The following SCHIP1 variants were observed in gnomAD, a reference collection of about 807,000 sequenced individuals.
SCHIP1 encodes the protein schwannomin-interacting protein 1.
In SCHIP1, 8 loss-of-function variants were observed where a neutral mutation model predicts 29.7. The ratio of observed to expected loss-of-function variants is 0.27; its 90% CI spans 0.16 to 0.49. The LOEUF (loss-of-function observed/expected upper bound fraction) is 0.49. Ranked by LOEUF, SCHIP1 falls within the 20% of genes least tolerant of loss-of-function variation. SCHIP1 has a pLI of 0.99. For missense variants in SCHIP1, 193 were observed against 294.6 expected, an observed-to-expected ratio of 0.66 and a Z score of 2.52; for synonymous variants, 76 against 94.9, an observed-to-expected ratio of 0.80 and a Z score of 1.16.
chr3:159,599,268 T>C, the SCHIP1 span, among the ~76,000 whole-genome samples: 3 of 152,220 alleles, frequency 2.0e-5, no homozygotes. Context: ...CTTTAAACTT[T>C]TATTTCAATA....
the SCHIP1 span, among the ~76,000 whole-genome samples, chr3:159,752,319 T>G: frequency 6.6e-6 from 1 of 152,210 alleles, no homozygotes; most frequent in Non-Finnish European, 1.5e-5. Flanking sequence ...ATAGTTAACA[T>G]CTGTTAACAT....
the SCHIP1 span, among the ~76,000 whole-genome samples, chr3:159,296,079 C>CGA: frequency 6.6e-6 from 1 of 151,110 alleles, no homozygotes; most frequent in East Asian, 2.0e-4. Flanking sequence ...ATGTCATTCC[C>CGA]GAGAGAGGAG....
the SCHIP1 span, among the ~76,000 whole-genome samples, chr3:159,428,713 T>G: frequency 6.6e-6 from 1 of 151,772 alleles, no homozygotes; most frequent in Non-Finnish European, 1.5e-5. Flanking sequence ...CCCAAAGGAC[T>G]ATAAATCATG....
the SCHIP1 span, among the ~76,000 whole-genome samples, chr3:159,406,834 A>G: frequency 6.6e-6 from 1 of 152,186 alleles, no homozygotes; most frequent in Non-Finnish European, 1.5e-5. Context: ...AGTTTAAAAT[A>G]TTGGGTTATA....
chr3:159,326,159 A>C, the SCHIP1 span, among the ~76,000 whole-genome samples: 1 of 152,132 alleles, frequency 6.6e-6, no homozygotes, highest in Non-Finnish European at 1.5e-5. Context: ...ATTAGGATTA[A>C]ATTAAAATCC....
At chr3:159,625,391 C>G in the SCHIP1 span, among the ~76,000 whole-genome samples, 5 of 152,054 alleles carry the variant, frequency 3.3e-5, no homozygotes, top group African/African-American at 1.2e-4. Context: ...TGAGAGTCAC[C>G]CTTATTAACC....
At chr3:159,687,779 T>A in the SCHIP1 span, among the ~76,000 whole-genome samples, 1 of 152,284 alleles carries the variant, frequency 6.6e-6, no homozygotes, top group Admixed American at 6.5e-5. Context: ...AGCCCCAGTG[T>A]GTGATGTTCC....
chr3:159,884,337 G>A (rs1560096069), intron 2 of SCHIP1, among the ~76,000 whole-genome samples: 1 of 142,154 alleles, frequency 7.0e-6, no homozygotes, highest in East Asian at 2.1e-4. Flanking sequence ...AAATATATAT[G>A]TGTGTCTGTG....
the SCHIP1 span, among the ~76,000 whole-genome samples, chr3:159,321,040 C>T: frequency 6.6e-6 from 1 of 152,184 alleles, no homozygotes; most frequent in South Asian, 2.1e-4. Context: ...TCTCAGCTCA[C>T]TGCAACCTCG....
chr3:159,430,841 G>A, the SCHIP1 span, among the ~76,000 whole-genome samples: 22 of 152,130 alleles, frequency 1.4e-4, no homozygotes, highest in Middle Eastern at 3.4e-3. Flanking sequence ...CCACATGCCC[G>A]TCCCCCATGA....
At chr3:159,404,328 C>G in the SCHIP1 span, among the ~76,000 whole-genome samples, 3 of 152,234 alleles carry the variant, frequency 2.0e-5, no homozygotes, top group East Asian at 5.8e-4. Flanking sequence ...ACCAAGTGGA[C>G]TCTTGGGATG....
At chr3:159,779,900 AT>A in the SCHIP1 span, among the ~76,000 whole-genome samples, 1 of 152,144 alleles carries the variant, frequency 6.6e-6, no homozygotes, top group Non-Finnish European at 1.5e-5. Flanking sequence ...CTTGAAGTTC[AT>A]TACATGCTGT....
chr3:159,472,506 G>C, the SCHIP1 span, among the ~76,000 whole-genome samples: 2 of 152,076 alleles, frequency 1.3e-5, no homozygotes, highest in South Asian at 4.2e-4. Context: ...TGCCTGAGTC[G>C]GCTGTGCTCC....
intron 1 of SCHIP1, among the ~76,000 whole-genome samples, chr3:159,856,112 A>C (rs1713330093): frequency 6.6e-6 from 1 of 152,192 alleles, no homozygotes; most frequent in African/African-American, 2.4e-5. Context: ...GCTGTGAGCA[A>C]GTTCTGATCC....
the SCHIP1 span, among the ~76,000 whole-genome samples, chr3:159,720,617 C>G: frequency 6.6e-6 from 1 of 151,762 alleles, no homozygotes; most frequent in African/African-American, 2.4e-5. Flanking sequence ...CAGAGTGTTA[C>G]TCTGCCACCC....
At chr3:159,635,522 C>T in the SCHIP1 span, among the ~76,000 whole-genome samples, 1 of 152,290 alleles carries the variant, frequency 6.6e-6, no homozygotes, top group South Asian at 2.1e-4. Context: ...ATAGCTTCTT[C>T]TTCCTTCTGG....
At chr3:159,275,218 G>C in the SCHIP1 span, 1 of 355,820 alleles carries the variant, frequency 2.8e-6, no homozygotes, top group Non-Finnish European at 3.9e-6. Flanking sequence ...ATGAAAGGTA[G>C]ATTTATGATT....
chr3:159,734,288 A>G, the SCHIP1 span, among the ~76,000 whole-genome samples: 1 of 151,634 alleles, frequency 6.6e-6, no homozygotes, highest in African/African-American at 2.4e-5. Context: ...GATGACAGAC[A>G]CGTGCCACCA....
the SCHIP1 span, among the ~76,000 whole-genome samples, chr3:159,436,289 G>C: frequency 6.6e-6 from 1 of 152,128 alleles, no homozygotes; most frequent in Admixed American, 6.6e-5. Context: ...CAGTCAAGCA[G>C]AGCTGGGCTT....
Sources: gnomAD v4.1 joint callset for allele counts (sites outside exome capture counted in the v4.1 genomes callset) on GRCh38, gnomAD v4.1.1 for gene constraint, MANE v1.5 for transcripts, NCBI Gene and HGNC (gene_info 2026-07-23, HGNC 2026-07-21) for gene names.